The following IQCJ variants were observed in gnomAD, a reference collection of about 807,000 sequenced individuals.
IQCJ encodes IQ motif containing J, also known as IQ domain-containing protein J.
A neutral mutation model predicts 11.0 loss-of-function variants in IQCJ; 9 were observed. That is an observed-to-expected ratio of 0.82 (90% confidence interval 0.49 to 1.43). IQCJ has a LOEUF of 1.43. IQCJ is among the 40% of genes most tolerant of loss of function. IQCJ has a pLI of 0.00. For synonymous variants in IQCJ, 55 were observed against 51.3 expected, an observed-to-expected ratio of 1.07 and a Z score of -0.31; for missense variants, 146 against 133.2, an observed-to-expected ratio of 1.10 and a Z score of -0.47.
At chr3:159,192,277 C>A (rs1723734347) in intron 1 of IQCJ, among the ~76,000 whole-genome samples, 1 of 140,524 alleles carries the variant, frequency 7.1e-6, no homozygotes, top group African/African-American at 2.8e-5. Context: ...AGAATCCAGG[C>A]ATTACCTCTC....
chr3:159,159,424 T>C (rs912197967), intron 1 of IQCJ, among the ~76,000 whole-genome samples: 2 of 152,168 alleles, frequency 1.3e-5, no homozygotes, highest in South Asian at 4.1e-4. Flanking sequence ...CTCTCCATGA[T>C]CAAGGCTTCA....
chr3:159,194,185 G>C (rs898634840), intron 1 of IQCJ, among the ~76,000 whole-genome samples: 3 of 152,304 alleles, frequency 2.0e-5, no homozygotes, highest in East Asian at 1.9e-4. Flanking sequence ...AACTTGCTCA[G>C]ATATGAAATT....
chr3:159,185,738 T>A (rs1434907282), intron 1 of IQCJ, among the ~76,000 whole-genome samples: 1 of 152,180 alleles, frequency 6.6e-6, no homozygotes, highest in Admixed American at 6.5e-5. Flanking sequence ...CTTCACTTGC[T>A]GGGGTGCTTC....
chr3:159,145,688 TTCTG>T (rs1395237663), intron 1 of IQCJ, among the ~76,000 whole-genome samples: 1 of 152,290 alleles, frequency 6.6e-6, no homozygotes, highest in South Asian at 2.1e-4. Context: ...CTCTCCAACT[TTCTG>T]TCCATTCTTC....
At chr3:159,262,236 A>G (rs1474514718) in intron 3 of IQCJ, among the ~76,000 whole-genome samples, 1 of 152,254 alleles carries the variant, frequency 6.6e-6, no homozygotes, top group African/African-American at 2.4e-5. Flanking sequence ...TGTCTCATAA[A>G]TCAAAGTACA....
At chr3:159,162,701 G>A (rs929597677) in intron 1 of IQCJ, among the ~76,000 whole-genome samples, 6 of 152,106 alleles carry the variant, frequency 3.9e-5, no homozygotes, top group Admixed American at 1.3e-4. Context: ...AGAAAAGAGA[G>A]AAGAATCAAA....
intron 1 of IQCJ, among the ~76,000 whole-genome samples, chr3:159,133,807 C>G (rs866649786): frequency 2.6e-5 from 4 of 152,048 alleles, no homozygotes; most frequent in Non-Finnish European, 2.9e-5. Context: ...TACTTATTAT[C>G]TATTACTATG....
chr3:159,264,906 A>G (rs949460261), downstream of IQCJ, among the ~76,000 whole-genome samples: 28 of 143,454 alleles, frequency 2.0e-4, no homozygotes, highest in African/African-American at 2.5e-4. Context: ...GACAGAGGGG[A>G]AAACAAAAAA....
At chr3:159,137,325 T>A (rs1048803001) in intron 1 of IQCJ, among the ~76,000 whole-genome samples, 1 of 152,088 alleles carries the variant, frequency 6.6e-6, no homozygotes, top group Non-Finnish European at 1.5e-5. Context: ...TCACATTTAC[T>A]TATTATTGAA....
intron 1 of IQCJ, among the ~76,000 whole-genome samples, chr3:159,200,196 T>G (rs1482431009): frequency 1.3e-5 from 2 of 148,784 alleles, no homozygotes; most frequent in Non-Finnish European, 3.0e-5. Flanking sequence ...ACGTTGAGAG[T>G]GAGTGGATAA....
chr3:159,136,845 G>A (rs1720318214), intron 1 of IQCJ, among the ~76,000 whole-genome samples: 1 of 152,188 alleles, frequency 6.6e-6, no homozygotes, highest in Admixed American at 6.5e-5. Flanking sequence ...TTTAATCCAA[G>A]AAGGGAAGAG....
Position 159,114,526 on chromosome 3 carries a change from G to A in IQCJ, c.9+45085G>A, listed in dbSNP as rs572664461. Among the ~76,000 whole-genome samples the A allele has an allele frequency of 4.3e-5, 6 of 139,886 alleles. 1 individual carries two copies. Among genetic ancestry groups the A allele is most frequent in the African/African-American group, 1.6e-4 (6 of 37,370 alleles). The allele number at this position is 139,886 out of a possible 152,430, so 91.8% of individuals were successfully genotyped here. The stretch of plus-strand genomic sequence containing the variant: ...GGGTTTCGCCATGTTGGCCAGGCTG[G>A]TCTCGAACTCCTGACCTCCAGTGAT... On this transcript the variant is annotated intron_variant, in intron 1 of 3. Coordinates refer to ENST00000397832, the MANE Select transcript of IQCJ (RefSeq NM_001042706.3).
At chr3:159,087,020 G>T (rs961535689) in intron 1 of IQCJ, among the ~76,000 whole-genome samples, 136 of 152,214 alleles carry the variant, frequency 8.9e-4, no homozygotes, top group African/African-American at 2.8e-3. Flanking sequence ...ATGCTTCCAG[G>T]TTTTGCCCAT....
chr3:159,161,785 G>C (rs1185732962), intron 1 of IQCJ, among the ~76,000 whole-genome samples: 2 of 152,150 alleles, frequency 1.3e-5, no homozygotes, highest in Non-Finnish European at 2.9e-5. Flanking sequence ...TATTAAATAG[G>C]GAATCCTTTC....
At chr3:159,181,706 A>C (rs1249248637) in intron 1 of IQCJ, among the ~76,000 whole-genome samples, 1 of 151,732 alleles carries the variant, frequency 6.6e-6, no homozygotes, top group Non-Finnish European at 1.5e-5. Flanking sequence ...GTCCTTCTAG[A>C]ATCCTTCCAC....
chr3:159,093,107 C>A (rs1172449201), intron 1 of IQCJ, among the ~76,000 whole-genome samples: 1 of 151,816 alleles, frequency 6.6e-6, no homozygotes, highest in Non-Finnish European at 1.5e-5. Flanking sequence ...ACCTTCTTAG[C>A]AACAATGAAG....
At chr3:159,260,980 CA>C (rs1038968499) in intron 3 of IQCJ, among the ~76,000 whole-genome samples, 1 of 152,162 alleles carries the variant, frequency 6.6e-6, no homozygotes, top group Non-Finnish European at 1.5e-5. Flanking sequence ...GTTTTCACTA[CA>C]GTTGATGGAC....
At chr3:159,226,656 A>G (rs934139091) in intron 1 of IQCJ, among the ~76,000 whole-genome samples, 5 of 152,214 alleles carry the variant, frequency 3.3e-5, no homozygotes, top group Admixed American at 1.3e-4. Context: ...AATGGGTAAG[A>G]CTAAATAACA....
rs570037575 is a variant in IQCJ, at chr3:159,142,718, C to G, written c.9+73277C>G. Among the ~76,000 whole-genome samples, 304 of 151,978 alleles carry G rather than the reference C, an allele frequency of 2.0e-3. 2 individuals carry two copies. Among genetic ancestry groups the G allele is most frequent in the African/African-American group, 7.1e-3 (295 of 41,454 alleles). ...CAGGCGTCAGCCACCGTACCCAGCC[C>G]GGGGGCAGGTCTTTTATTTTATTTT... On this transcript the variant is annotated intron_variant, in intron 1 of 3. Transcript: ENST00000397832.
Sources: allele counts gnomAD v4.1 joint callset (sites outside exome capture counted in the v4.1 genomes callset), GRCh38; gene constraint gnomAD v4.1.1; transcripts MANE v1.5; gene names NCBI Gene and HGNC (gene_info 2026-07-23, HGNC 2026-07-21).